DPP10: variants seen among roughly 807,000 people sequenced by gnomAD.
DPP10 encodes inactive dipeptidyl peptidase 10.
In DPP10, 33 loss-of-function variants were observed where a neutral mutation model predicts 120.9. The observed-to-expected ratio is 0.27, with a 90% CI of 0.21 to 0.37. The LOEUF (loss-of-function observed/expected upper bound fraction) is 0.37. DPP10 is among the 10% of genes least tolerant of loss of function. The pLI, the probability that DPP10 is intolerant of heterozygous loss-of-function variation, is 1.00. For missense variants in DPP10, 816 were observed against 942.8 expected (o/e 0.87, Z 1.76); for synonymous variants, 337 against 326.1 (o/e 1.03, Z -0.36).
In DPP10 at chr2:115,465,793, G is replaced by A. The variant is rs193077375; in HGVS notation, c.272-33717G>A. Among the ~76,000 whole-genome samples the A allele has an allele frequency of 3.3e-5, 5 of 152,144 alleles. No homozygotes were observed. The East Asian group carries it at 9.7e-4, about 29-fold the overall frequency. Reference sequence around the variant, plus strand: ...GCCAAGATCGTGCCACTGCACTCCAGCCTGGGTGACAGAGTGAGGCTTCAT... The same window carrying A: ...GCCAAGATCGTGCCACTGCACTCCAACCTGGGTGACAGAGTGAGGCTTCAT... On this transcript the variant is annotated intron_variant, in intron 3 of 25. Coordinates refer to ENST00000410059, the MANE Select transcript of DPP10 (RefSeq NM_020868.6).
chr2:114,619,376 TAC>T (rs1693911060), intron 1 of DPP10, among the ~76,000 whole-genome samples: 2 of 145,802 alleles, frequency 1.4e-5, no homozygotes, highest in African/African-American at 5.4e-5. Flanking sequence ...TGTATATATA[TAC>T]ATATGTGTGT....
At chr2:115,794,216 C>T (rs1684296975) in intron 19 of DPP10, among the ~76,000 whole-genome samples, 1 of 152,114 alleles carries the variant, frequency 6.6e-6, no homozygotes, top group Admixed American at 6.6e-5. Flanking sequence ...TATCTGGTAG[C>T]CAACAGAATA....
intron 3 of DPP10, among the ~76,000 whole-genome samples, chr2:115,385,783 A>G (rs994138455): frequency 3.9e-5 from 6 of 152,266 alleles, no homozygotes; most frequent in Non-Finnish European, 7.4e-5. Context: ...GATTTGAAAA[A>G]TTTGGTAAGC....
intron 1 of DPP10, among the ~76,000 whole-genome samples, chr2:115,273,571 C>T (rs1258242917): frequency 2.6e-5 from 4 of 152,150 alleles, no homozygotes; most frequent in Admixed American, 6.5e-5. Flanking sequence ...CTCCTGACCT[C>T]GTGATCCGCC....
chr2:115,842,062 T>G, intron 25 of DPP10, 149 bp from the exon 26 acceptor site: 1 of 673,854 alleles, frequency 1.5e-6, no homozygotes, highest in East Asian at 2.9e-5. Context: ...TTTTAAAAGT[T>G]TAGCATGAAT....
chr2:114,817,032 A>G (rs1685693143), intron 1 of DPP10, among the ~76,000 whole-genome samples: 1 of 152,202 alleles, frequency 6.6e-6, no homozygotes, highest in African/African-American at 2.4e-5. Context: ...TCAAAGGTAT[A>G]AATAACCGGC....
At chr2:115,651,449 A>C (rs2149378675) in intron 5 of DPP10, among the ~76,000 whole-genome samples, 1 of 152,168 alleles carries the variant, frequency 6.6e-6, no homozygotes, top group East Asian at 1.9e-4. Context: ...GCTCAAGTAG[A>C]AAGTTAATTA....
At chr2:115,068,856 G>A (rs575619924) in intron 1 of DPP10, among the ~76,000 whole-genome samples, 8 of 152,006 alleles carry the variant, frequency 5.3e-5, no homozygotes, top group East Asian at 1.9e-4. Flanking sequence ...CATCTTTGTC[G>A]AAGATCTGTT....
chr2:115,091,747 T>A (rs905223236), intron 1 of DPP10, among the ~76,000 whole-genome samples: 3 of 152,214 alleles, frequency 2.0e-5, no homozygotes, highest in African/African-American at 7.2e-5. Flanking sequence ...CTCATTTTGG[T>A]GTCCTATGAC....
chr2:115,107,565 C>G (rs1573639795), intron 1 of DPP10, among the ~76,000 whole-genome samples: 2 of 150,372 alleles, frequency 1.3e-5, no homozygotes, highest in Admixed American at 1.3e-4. Flanking sequence ...CTCAGATTAG[C>G]TAGCTAGCTA....
At chr2:115,013,048 C>T (rs1702376180) in intron 1 of DPP10, among the ~76,000 whole-genome samples, 1 of 152,054 alleles carries the variant, frequency 6.6e-6, no homozygotes, top group East Asian at 1.9e-4. Flanking sequence ...ATGATGCTGC[C>T]TGGTTATTTT....
intron 1 of DPP10, among the ~76,000 whole-genome samples, chr2:114,582,778 T>C (rs988843188): frequency 6.6e-6 from 1 of 152,226 alleles, no homozygotes; most frequent in Admixed American, 6.5e-5. Context: ...CCTATTTTTT[T>C]AATCAGGTTG....
intron 5 of DPP10, among the ~76,000 whole-genome samples, chr2:115,655,066 A>G (rs2088173092): frequency 6.6e-6 from 1 of 151,712 alleles, no homozygotes. Flanking sequence ...AAAAAAATTA[A>G]TGTTTCTTTG....
intron 1 of DPP10, among the ~76,000 whole-genome samples, chr2:114,679,412 C>T (rs930034742): frequency 6.6e-6 from 1 of 151,816 alleles, no homozygotes; most frequent in Admixed American, 6.6e-5. Context: ...GCATTAGGCC[C>T]CTCTTGTTTA....
At chr2:115,554,940 A>G (rs1213561232) in intron 5 of DPP10, among the ~76,000 whole-genome samples, 1 of 152,104 alleles carries the variant, frequency 6.6e-6, no homozygotes, top group South Asian at 2.1e-4. Context: ...GTCCTTTCCC[A>G]TAAATGTTCC....
chr2:114,987,954 C>A (rs1700517355), intron 1 of DPP10, among the ~76,000 whole-genome samples: 1 of 151,882 alleles, frequency 6.6e-6, no homozygotes, highest in South Asian at 2.1e-4. Context: ...CAGGCACCTG[C>A]CACCACGCCC....
chr2:114,533,810 A>C (rs746298197), intron 1 of DPP10, among the ~76,000 whole-genome samples: 8 of 152,210 alleles, frequency 5.3e-5, no homozygotes, highest in Non-Finnish European at 1.0e-4. Context: ...TATTGTTGAG[A>C]AACCTGATGC....
At chr2:115,827,552 T>C (rs1688503704) in intron 21 of DPP10, among the ~76,000 whole-genome samples, 1 of 150,272 alleles carries the variant, frequency 6.7e-6, no homozygotes, top group Admixed American at 6.6e-5. Context: ...TTGTTATAAT[T>C]TTTGCATTTA....
intron 3 of DPP10, among the ~76,000 whole-genome samples, chr2:115,462,669 AT>A (rs983302421): frequency 7.2e-5 from 11 of 152,114 alleles, no homozygotes; most frequent in Non-Finnish European, 1.5e-4. Flanking sequence ...TATAAAGAAT[AT>A]TTGCTAATGT....
Sources: gnomAD v4.1 joint callset for allele counts (sites outside exome capture counted in the v4.1 genomes callset) on GRCh38, gnomAD v4.1.1 for gene constraint, MANE v1.5 for transcripts, NCBI Gene and HGNC (gene_info 2026-07-23, HGNC 2026-07-21) for gene names.